Variants in TBC1D2B observed in about 807,000 individuals in gnomAD.
TBC1D2B encodes TBC1 domain family member 2B.
Under a neutral mutation model 100.8 loss-of-function variants are expected in TBC1D2B, and 64 were observed. The observed-to-expected ratio is 0.64, with a 90% confidence interval of 0.52 to 0.78. The LOEUF is 0.78. TBC1D2B is among the 30% of genes least tolerant of loss of function. The probability of loss-of-function intolerance (pLI) is 0.00; values close to 1 mark genes in which losing one functional copy is unlikely to be tolerated. For synonymous variants in TBC1D2B, 480 were observed against 479.7 expected (o/e 1.00, Z -0.01); for missense variants, 1,052 against 1,218.4 (o/e 0.86, Z 2.03).
intron 9 of TBC1D2B, 35 bp from the exon 10 acceptor site, chr15:78,009,149 G>A: frequency 6.9e-7 from 1 of 1,442,334 alleles, no homozygotes; most frequent in Admixed American, 1.9e-5. Context: ...GAGAGCCCAG[G>A]CACAGACAGC....
At chr15:78,072,069 C>A (rs1567037046) in intron 1 of TBC1D2B, among the ~76,000 whole-genome samples, 1 of 152,190 alleles carries the variant, frequency 6.6e-6, no homozygotes, top group African/African-American at 2.4e-5. Context: ...AGTTAATTAC[C>A]TCCCAAAGGC....
At chr15:78,055,267 T>G (rs1010273281) in intron 1 of TBC1D2B, among the ~76,000 whole-genome samples, 2 of 151,578 alleles carry the variant, frequency 1.3e-5, no homozygotes, top group Non-Finnish European at 2.9e-5. Flanking sequence ...TTCTACACAT[T>G]TGTCCAAAAT....
intron 1 of TBC1D2B, among the ~76,000 whole-genome samples, chr15:78,060,256 C>CA (rs2073515155): frequency 6.6e-6 from 1 of 152,170 alleles, no homozygotes; most frequent in African/African-American, 2.4e-5. Flanking sequence ...ATATTCACCG[C>CA]AAGCAAACAT....
intron 1 of TBC1D2B, among the ~76,000 whole-genome samples, chr15:78,073,307 A>C (rs560213849): frequency 6.6e-6 from 1 of 152,380 alleles, no homozygotes; most frequent in Non-Finnish European, 1.5e-5. Flanking sequence ...GAAAAAGCCC[A>C]ACAAAACCAC....
Position 78,025,517 on chromosome 15 carries a change from G to C in TBC1D2B, c.848-20C>G. The C allele has an allele frequency of 6.8e-7, 1 of 1,471,460 alleles. No homozygotes were observed. The highest frequency in any genetic ancestry group is 9.2e-7 in the Non-Finnish European group (1 of 1,090,412). The allele number at this position is 1,471,460 out of a possible 1,614,324, so 91.2% of individuals were successfully genotyped here. ...TTACTCCTACATAAAAATAAAACTT[G>C]TATTTTATTATTATTATTATTATTT... On this transcript the variant is annotated intron_variant, in intron 4 of 12. Transcript: ENST00000300584.
At chr15:78,003,672 G>A (rs1207917773) in intron 10 of TBC1D2B, 182 bp from the exon 11 acceptor site, 9 of 563,896 alleles carry the variant, frequency 1.6e-5, no homozygotes, top group Admixed American at 5.9e-5. Flanking sequence ...CGCTGACCTC[G>A]TGCACTGCAG....
intron 1 of TBC1D2B, among the ~76,000 whole-genome samples, chr15:78,066,540 C>T (rs574273199): frequency 1.8e-4 from 27 of 152,278 alleles, no homozygotes; most frequent in Middle Eastern, 6.8e-3. Context: ...CTCCAGGGGA[C>T]GAACCCCACA....
chr15:78,063,245 T>C (rs1184623787), intron 1 of TBC1D2B, among the ~76,000 whole-genome samples: 1 of 152,138 alleles, frequency 6.6e-6, no homozygotes, highest in African/African-American at 2.4e-5. Flanking sequence ...AGAAGAGTAT[T>C]TGGCACAAAG....
intron 1 of TBC1D2B, among the ~76,000 whole-genome samples, chr15:78,054,619 A>G (rs1038163632): frequency 6.6e-6 from 1 of 152,226 alleles, no homozygotes; most frequent in African/African-American, 2.4e-5. Flanking sequence ...GTATACAAAG[A>G]AAACTGCAGA....
chr15:78,000,556 T>G (rs1369069779), intron 12 of TBC1D2B, among the ~76,000 whole-genome samples: 2 of 152,248 alleles, frequency 1.3e-5, no homozygotes, highest in Admixed American at 6.5e-5. Context: ...ATCAGGGCAC[T>G]GTTGTTGGTG....
At chr15:78,049,861 G>A (rs1596324752) in intron 2 of TBC1D2B, among the ~76,000 whole-genome samples, 1 of 152,012 alleles carries the variant, frequency 6.6e-6, no homozygotes, top group Admixed American at 6.6e-5. Flanking sequence ...GGTTCAGAGA[G>A]CATCTTGCTT....
chr15:78,035,523 G>A (rs1445328764), intron 3 of TBC1D2B, among the ~76,000 whole-genome samples: 1 of 152,210 alleles, frequency 6.6e-6, no homozygotes, highest in African/African-American at 2.4e-5. Context: ...GAGGGAAGCA[G>A]GCTACCACTG....
chr15:78,064,755 GA>G (rs34249742), intron 1 of TBC1D2B, among the ~76,000 whole-genome samples: 1 of 150,024 alleles, frequency 6.7e-6, no homozygotes, highest in African/African-American at 2.5e-5. Flanking sequence ...AGCACCAATG[GA>G]AAAAAAAAAT....
intron 6 of TBC1D2B, among the ~76,000 whole-genome samples, chr15:78,019,109 G>A (rs542053004): frequency 2.0e-5 from 3 of 151,902 alleles, no homozygotes; most frequent in Non-Finnish European, 2.9e-5. Flanking sequence ...CCAGAGATGC[G>A]GCTACAGAAA....
rs1375553561 is a variant in TBC1D2B at position 77,995,939 on chromosome 15, G to A, written c.*2221C>T. On this transcript the variant is annotated 3_prime_UTR_variant, in exon 13 of 13. Coordinates refer to ENST00000300584, the MANE Select transcript of TBC1D2B (RefSeq NM_144572.2). ...AGAGCAGCTCTTTCCTCAGTGACCCGAGGGAGGGGAAGTGTTAGCGCAAAA... is the reference window on the plus strand; with the variant it reads ...AGAGCAGCTCTTTCCTCAGTGACCCAAGGGAGGGGAAGTGTTAGCGCAAAA... 7 of 151,622 alleles carry A rather than the reference G, an allele frequency of 4.6e-5. No individual in the cohort carries two copies. The East Asian group carries it at 5.9e-4, about 13-fold the overall frequency. 9.4% of individuals were successfully genotyped at this position (151,622 alleles called of 1,614,324 possible). A position where few individuals can be genotyped will look rare whatever the true frequency, so the allele number is the denominator to read the frequency against.
intron 1 of TBC1D2B, among the ~76,000 whole-genome samples, chr15:78,056,874 T>C (rs1454776402): frequency 6.6e-6 from 1 of 152,096 alleles, no homozygotes; most frequent in Admixed American, 6.5e-5. Context: ...ACCAGCTCCC[T>C]GACTACCTGG....
At chr15:78,031,158 A>G (rs1054153015) in intron 3 of TBC1D2B, among the ~76,000 whole-genome samples, 1 of 152,256 alleles carries the variant, frequency 6.6e-6, no homozygotes, top group Admixed American at 6.5e-5. Context: ...ATGGATACAT[A>G]TATATGTAGC....
chr15:78,000,895 G>T (rs534222908), intron 12 of TBC1D2B, among the ~76,000 whole-genome samples: 1 of 152,090 alleles, frequency 6.6e-6, no homozygotes, highest in Non-Finnish European at 1.5e-5. Context: ...CCTACCTCCA[G>T]GCCACCACCT....
chr15:78,053,379 T>TTTGC (rs2141802443), intron 2 of TBC1D2B, among the ~76,000 whole-genome samples: 1 of 152,316 alleles, frequency 6.6e-6, no homozygotes, highest in South Asian at 2.1e-4. Flanking sequence ...TGTTTGTTTG[T>TTTGC]TTGTTTTTCT....
Sources: allele counts gnomAD v4.1 joint callset (sites outside exome capture counted in the v4.1 genomes callset), GRCh38; gene constraint gnomAD v4.1.1; transcripts MANE v1.5; gene names NCBI Gene and HGNC (gene_info 2026-07-23, HGNC 2026-07-21).